The following TMEM128 variants were observed in gnomAD, a reference collection of about 807,000 sequenced individuals.
TMEM128 encodes transmembrane protein 128.
A neutral mutation model predicts 19.7 loss-of-function variants in TMEM128; 16 were observed. That is an observed-to-expected ratio of 0.81 (90% CI 0.55 to 1.23). The LOEUF is 1.23. Ranked by LOEUF, TMEM128 falls within the 50% of genes most tolerant of loss-of-function variation. The probability of loss-of-function intolerance (pLI) is 0.00; values close to 1 mark genes in which losing one functional copy is unlikely to be tolerated. For synonymous variants in TMEM128, 98 were observed against 75.8 expected (o/e 1.29, Z -1.52); for missense variants, 237 against 200.8 (o/e 1.18, Z -1.09).
rs571422138 is a variant in TMEM128, at chr4:4,247,517, C to T, written c.97+589G>A. The T allele has an allele frequency of 1.1e-4, 176 of 1,596,196 alleles. No individual in the cohort carries two copies. The Middle Eastern group carries it at 2.7e-3, about 24-fold the overall frequency. ...TCCCATCCTTAACCTCAGATCTAATCCCCAGAAGCAACCACCACTTACAAT... is the reference window on the plus strand; with the variant it reads ...TCCCATCCTTAACCTCAGATCTAATTCCCAGAAGCAACCACCACTTACAAT... On this transcript the variant is annotated intron_variant, in intron 1 of 4. Transcript: ENST00000382753.
At chr4:4,244,130 A>G (rs1295329673) in intron 2 of TMEM128, among the ~76,000 whole-genome samples, 1 of 152,170 alleles carries the variant, frequency 6.6e-6, no homozygotes, top group Non-Finnish European at 1.5e-5. Context: ...CTCAGCCTCC[A>G]TAAAGTATCT....
At chr4:4,238,061 A>AT in intron 3 of TMEM128, 126 bp from the exon 4 acceptor site, 1 of 559,866 alleles carries the variant, frequency 1.8e-6, no homozygotes, top group Non-Finnish European at 3.1e-6. Context: ...TCTATGTATC[A>AT]TATTTCTCAA....
intron 4 of TMEM128, among the ~76,000 whole-genome samples, chr4:4,237,369 G>C (rs1717760717): frequency 6.6e-6 from 1 of 151,974 alleles, no homozygotes; most frequent in Admixed American, 6.6e-5. Context: ...TGAAAGGCAG[G>C]GTACCTTCTC....
intron 4 of TMEM128, among the ~76,000 whole-genome samples, 153 bp downstream of exon 4, chr4:4,237,674 A>G (rs1278787120): frequency 2.0e-5 from 3 of 152,260 alleles, no homozygotes; most frequent in Non-Finnish European, 4.4e-5. Flanking sequence ...TCAGAGTTCA[A>G]TGAATGGATA....
intron 3 of TMEM128, 129 bp from the exon 4 acceptor site, chr4:4,238,064 T>C (rs1326518274): frequency 1.5e-4 from 84 of 549,994 alleles, no homozygotes; most frequent in Non-Finnish European, 8.5e-5. Context: ...ATGTATCATA[T>C]TTCTCAAGTA....
At position 4,246,310 on chromosome 4, in the gene TMEM128, G is replaced by A. The variant is rs761050517; in HGVS notation, c.131C>T (p.Pro44Leu). 1.2e-6 allele frequency: 2 copies of A among 1,610,720 alleles called. No homozygotes were observed. The highest frequency in any genetic ancestry group is 2.7e-5 in the African/African-American group (2 of 74,762). ...AGAATGGATATTAAGTCTTGGAAGA[G>A]GTTTCTCCTTTTTCTCAACAGCTGT... ...TSTAVEKKEKPLPRLNIHSGF... is the reference protein window; with the variant it reads ...TSTAVEKKEKLLPRLNIHSGF... The change falls in exon 2 of 5, where the codon CCT becomes CTT. Residue 44 changes from proline to leucine, a missense_variant. Pro to Leu is a moderately conservative substitution (Grantham distance 98, BLOSUM62 -3). Coordinates refer to ENST00000382753, the MANE Select transcript of TMEM128 (RefSeq NM_001297551.2).
intron 3 of TMEM128, among the ~76,000 whole-genome samples, chr4:4,238,641 A>G (rs1717822207): frequency 6.6e-6 from 1 of 152,220 alleles, no homozygotes; most frequent in African/African-American, 2.4e-5. Context: ...ATACAGGTTA[A>G]CAATAACCAC....
intron 2 of TMEM128, among the ~76,000 whole-genome samples, chr4:4,242,400 AATTCCAC>A (rs1276707202): frequency 6.6e-6 from 1 of 152,210 alleles, no homozygotes; most frequent in East Asian, 1.9e-4. Flanking sequence ...TAGTTTATCT[AATTCCAC>A]ATTCCACAGG....
chr4:4,240,338 A>T lies in TMEM128; in HGVS notation c.381T>A (p.Phe127Leu), dbSNP rs111900550. The change falls in exon 3 of 5, where the codon TTT (phenylalanine) becomes TTA (leucine). Residue 127 changes from phenylalanine (F) to leucine (L), a missense_variant. Phe to Leu is a conservative substitution (Grantham distance 22, BLOSUM62 0). Coordinates refer to ENST00000382753, the MANE Select transcript of TMEM128 (RefSeq NM_001297551.2). ...TAACTTACCAAATTCCTGCTGCAAT[A>T]AAGGAGGCAGTGGTAATGGGTATCA... ...PALIPITTAS[F>L]IAAGICFNIA... 6.2e-7 allele frequency: 1 copy of T among 1,613,378 alleles called. No individual in the cohort carries two copies. The highest frequency in any genetic ancestry group is 1.3e-5 in the African/African-American group (1 of 74,896).
Position 4,247,596 on chromosome 4 carries a change from G to T in TMEM128, c.97+510C>A, listed in dbSNP as rs1295243941. The T allele has an allele frequency of 4.3e-6, 7 of 1,614,162 alleles. No homozygotes were observed. The African/African-American group carries it at 8.0e-5, about 18-fold the overall frequency. ...ATTCACAGGTGAACATACATCACAA[G>T]TTACCTGTTTTGTACCCAAATGGCG... On this transcript the variant is annotated intron_variant, in intron 1 of 4. Coordinates refer to ENST00000382753, the MANE Select transcript of TMEM128 (RefSeq NM_001297551.2).
intron 4 of TMEM128, among the ~76,000 whole-genome samples, chr4:4,236,497 C>T (rs58569407): frequency 0.17 from 26,055 of 152,046 alleles, 2,308 homozygotes; most frequent in East Asian, 0.3. Flanking sequence ...GCTGAGAACA[C>T]GAGAAGGGGA....
intron 2 of TMEM128, among the ~76,000 whole-genome samples, chr4:4,242,514 A>G (rs1416591830): frequency 7.2e-6 from 1 of 138,412 alleles, no homozygotes; most frequent in Non-Finnish European, 1.6e-5. Flanking sequence ...TGGATATGAG[A>G]AAAAAAAAAT....
intron 2 of TMEM128, among the ~76,000 whole-genome samples, chr4:4,241,318 C>G (rs1250925293): frequency 6.6e-6 from 1 of 152,204 alleles, no homozygotes; most frequent in Non-Finnish European, 1.5e-5. Flanking sequence ...ATATCTTCTA[C>G]TCACCACCTC....
At chr4:4,242,664 G>A (rs1718010957) in intron 2 of TMEM128, among the ~76,000 whole-genome samples, 1 of 151,850 alleles carries the variant, frequency 6.6e-6, no homozygotes, top group East Asian at 2.0e-4. Context: ...TATTACAGGT[G>A]CCCAACACCA....
chr4:4,242,654 T>C (rs1718010577), intron 2 of TMEM128, among the ~76,000 whole-genome samples: 1 of 151,802 alleles, frequency 6.6e-6, no homozygotes, highest in Non-Finnish European at 1.5e-5. Flanking sequence ...GAGCAGCTGA[T>C]ATTACAGGTG....
At chr4:4,246,106 G>A (rs1026320891) in intron 2 of TMEM128, 96 bp downstream of exon 2, 1 of 1,291,374 alleles carries the variant, frequency 7.7e-7, no homozygotes, top group Non-Finnish European at 1.1e-6. Context: ...CTGGCAGAGA[G>A]TAGTAGGTGC....
chr4:4,237,970 C>A (rs199946463), intron 3 of TMEM128, 35 bp from the exon 4 acceptor site: 3 of 1,236,792 alleles, frequency 2.4e-6, no homozygotes, highest in South Asian at 3.1e-5. Context: ...TTGACAACTC[C>A]AATATGCATC....
chr4:4,239,597 G>C (rs1480050465), intron 3 of TMEM128, among the ~76,000 whole-genome samples: 1 of 152,114 alleles, frequency 6.6e-6, no homozygotes, highest in Admixed American at 6.5e-5. Flanking sequence ...TGCTACAAGA[G>C]CCATGTACAA....
At chr4:4,241,465 A>T (rs1348992805) in intron 2 of TMEM128, among the ~76,000 whole-genome samples, 1 of 152,182 alleles carries the variant, frequency 6.6e-6, no homozygotes, top group Non-Finnish European at 1.5e-5. Flanking sequence ...CCATTCTCCC[A>T]ACTCAATCCA....
Sources: allele counts gnomAD v4.1 joint callset (sites outside exome capture counted in the v4.1 genomes callset), GRCh38; gene constraint gnomAD v4.1.1; transcripts MANE v1.5; gene names NCBI Gene and HGNC (gene_info 2026-07-23, HGNC 2026-07-21).